Variants in MARCHF11 observed in about 807,000 individuals in gnomAD.
MARCHF11 encodes E3 ubiquitin-protein ligase MARCHF11.
Under a neutral mutation model 37.3 loss-of-function variants are expected in MARCHF11, and 29 were observed. That is an observed-to-expected ratio of 0.78 (90% CI 0.58 to 1.06). The LOEUF is 1.06. Among genes scored for constraint, MARCHF11 ranks in the 50% least tolerant of loss-of-function variants. The probability of loss-of-function intolerance (pLI) is 0.00; values close to 1 mark genes in which losing one functional copy is unlikely to be tolerated. For synonymous variants in MARCHF11, 233 were observed against 228.0 expected (o/e 1.02, Z -0.20); for missense variants, 482 against 533.4 (o/e 0.90, Z 0.95).
chr5:16,159,317 A>T (rs1738034026), intron 2 of MARCHF11, among the ~76,000 whole-genome samples: 1 of 151,960 alleles, frequency 6.6e-6, no homozygotes, highest in African/African-American at 2.4e-5. Context: ...CCCACAGTTA[A>T]ATTGATTTTC....
At chr5:16,135,416 T>C (rs979151168) in intron 2 of MARCHF11, among the ~76,000 whole-genome samples, 12 of 152,066 alleles carry the variant, frequency 7.9e-5, no homozygotes, top group Admixed American at 6.6e-4. Context: ...AATTAAAGAA[T>C]TTAAAAAATC....
chr5:16,111,694 G>A (rs923369747), intron 2 of MARCHF11, among the ~76,000 whole-genome samples: 10 of 152,218 alleles, frequency 6.6e-5, no homozygotes, highest in East Asian at 3.8e-4. Context: ...CATAAGTAAC[G>A]AGGAGCCAAA....
intron 2 of MARCHF11, among the ~76,000 whole-genome samples, chr5:16,093,988 A>T (rs1417988136): frequency 2.0e-5 from 3 of 152,218 alleles, no homozygotes; most frequent in South Asian, 4.1e-4. Context: ...TTACAAGTAA[A>T]CAGACGTTCC....
At chr5:16,069,084 C>A (rs892939445) in intron 3 of MARCHF11, among the ~76,000 whole-genome samples, 4 of 152,142 alleles carry the variant, frequency 2.6e-5, no homozygotes, top group Admixed American at 2.6e-4. Context: ...CAAGGCATCT[C>A]AAAGTCTATC....
intron 3 of MARCHF11, among the ~76,000 whole-genome samples, chr5:16,069,801 G>A (rs1223249135): frequency 1.3e-5 from 2 of 152,074 alleles, no homozygotes; most frequent in Admixed American, 1.3e-4. Context: ...GTTTTTCTTG[G>A]ACAGACTATT....
intron 3 of MARCHF11, among the ~76,000 whole-genome samples, chr5:16,084,097 A>G (rs1009979878): frequency 1.3e-5 from 2 of 152,246 alleles, no homozygotes; most frequent in Non-Finnish European, 2.9e-5. Flanking sequence ...ATCTGGAAAA[A>G]AAAAGTAGCA....
At chr5:16,069,307 A>T (rs1224012295) in intron 3 of MARCHF11, among the ~76,000 whole-genome samples, 1 of 152,234 alleles carries the variant, frequency 6.6e-6, no homozygotes, top group Non-Finnish European at 1.5e-5. Context: ...TATGGTAGAC[A>T]TATAAAAGCA....
At chr5:16,076,238 T>C (rs1242125030) in intron 3 of MARCHF11, among the ~76,000 whole-genome samples, 4 of 152,218 alleles carry the variant, frequency 2.6e-5, no homozygotes, top group Non-Finnish European at 5.9e-5. Context: ...TCAAAGAATA[T>C]TTCTCAAAAG....
At chr5:16,176,805 TTTA>T (rs1388701103) in intron 2 of MARCHF11, among the ~76,000 whole-genome samples, 2 of 152,152 alleles carry the variant, frequency 1.3e-5, no homozygotes, top group East Asian at 3.8e-4. Flanking sequence ...AACACGAGAA[TTTA>T]TTACTTTTCC....
intron 2 of MARCHF11, among the ~76,000 whole-genome samples, chr5:16,152,524 A>G (rs2126598888): frequency 6.6e-6 from 1 of 152,110 alleles, no homozygotes; most frequent in South Asian, 2.1e-4. Context: ...GTGTAAGAGC[A>G]CAGGATAAGA....
At chr5:16,127,142 T>C (rs1307187284) in intron 2 of MARCHF11, among the ~76,000 whole-genome samples, 1 of 152,116 alleles carries the variant, frequency 6.6e-6, no homozygotes, top group South Asian at 2.1e-4. Flanking sequence ...TCACAGAGGT[T>C]GAATACTCAA....
intron 2 of MARCHF11, among the ~76,000 whole-genome samples, chr5:16,135,511 C>T (rs1737593320): frequency 6.6e-6 from 1 of 152,140 alleles, no homozygotes; most frequent in Non-Finnish European, 1.5e-5. Flanking sequence ...ATACTGCCTA[C>T]AGTTTTGGGG....
intron 2 of MARCHF11, among the ~76,000 whole-genome samples, chr5:16,108,491 T>G (rs2126568506): frequency 6.6e-6 from 1 of 152,258 alleles, no homozygotes; most frequent in Non-Finnish European, 1.5e-5. Flanking sequence ...GTTGCAGTGG[T>G]GGGTACAGAA....
At chr5:16,178,941 A>C in intron 1 of MARCHF11, 98 bp downstream of exon 1, 2 of 1,315,762 alleles carry the variant, frequency 1.5e-6, no homozygotes, top group Non-Finnish European at 1.9e-6. Flanking sequence ...CACTGGAGGC[A>C]AACTGGGAGG....
chr5:16,137,177 AT>A, intron 2 of MARCHF11, among the ~76,000 whole-genome samples: 1 of 152,266 alleles, frequency 6.6e-6, no homozygotes, highest in South Asian at 2.1e-4. Flanking sequence ...CGGTATACTG[AT>A]ATGGTTTGGC....
At chr5:16,160,258 A>G (rs1738048041) in intron 2 of MARCHF11, among the ~76,000 whole-genome samples, 1 of 145,202 alleles carries the variant, frequency 6.9e-6, no homozygotes, top group South Asian at 2.1e-4. Flanking sequence ...ATAATTTTAT[A>G]TTTTAATATA....
rs111849745 is a variant in MARCHF11, at chr5:16,094,640, C to T, written c.694-3559G>A. 3.5e-3 allele frequency among the ~76,000 whole-genome samples: 526 copies of T among 152,038 alleles called. 2 individuals are homozygous for T. Among genetic ancestry groups the T allele is most frequent in the African/African-American group, 0.012 (491 of 41,456 alleles). On this transcript the variant is annotated intron_variant, in intron 2 of 3. Transcript: ENST00000332432. ...TAGTTGCTACTGCTTTCTTTCTTTC[C>T]GTAATAGTTGAATATGTGTGATTCT...
intron 1 of MARCHF11, 48 bp downstream of exon 1, chr5:16,178,991 G>T: frequency 7.3e-7 from 1 of 1,368,772 alleles, no homozygotes; most frequent in Non-Finnish European, 9.4e-7. Flanking sequence ...CTTGACCGGC[G>T]CGAGCTGGAG....
intron 2 of MARCHF11, among the ~76,000 whole-genome samples, chr5:16,129,449 C>A (rs1280893970): frequency 3.3e-5 from 5 of 151,990 alleles, no homozygotes; most frequent in Non-Finnish European, 7.4e-5. Context: ...TAAAATAAAC[C>A]ATTTTTAAAA....
Sources: allele counts gnomAD v4.1 joint callset (sites outside exome capture counted in the v4.1 genomes callset), GRCh38; gene constraint gnomAD v4.1.1; transcripts MANE v1.5; gene names NCBI Gene and HGNC (gene_info 2026-07-23, HGNC 2026-07-21).